The following TNFRSF19 variants were observed in gnomAD, a reference collection of about 807,000 sequenced individuals.
The protein encoded by TNFRSF19 is tumor necrosis factor receptor superfamily member 19.
TNFRSF19 carries 27 observed loss-of-function variants against 46.4 expected under a neutral mutation model. That is an observed-to-expected ratio of 0.58 (90% CI 0.43 to 0.80). The LOEUF is 0.80. TNFRSF19 is among the 30% of genes least tolerant of loss of function. TNFRSF19 has a pLI of 0.00. For synonymous variants in TNFRSF19, 204 were observed against 205.0 expected (o/e 1.00, Z 0.04); for missense variants, 511 against 530.8 (o/e 0.96, Z 0.37).
chr13:23,608,294 A>G (rs949434456), intron 3 of TNFRSF19, among the ~76,000 whole-genome samples: 11 of 152,264 alleles, frequency 7.2e-5, no homozygotes, highest in Admixed American at 2.0e-4. Flanking sequence ...GTTAACATAA[A>G]TATGAGCTAT....
At chr13:23,658,191 A>G (rs1304757550) in intron 5 of TNFRSF19, among the ~76,000 whole-genome samples, 1 of 152,182 alleles carries the variant, frequency 6.6e-6, no homozygotes, top group Non-Finnish European at 1.5e-5. Context: ...TAGTTTTAAA[A>G]TGGTAATTAC....
chr13:23,660,647 T>C (rs979551159), intron 7 of TNFRSF19, among the ~76,000 whole-genome samples, 157 bp downstream of exon 7: 4 of 152,164 alleles, frequency 2.6e-5, no homozygotes, highest in Non-Finnish European at 4.4e-5. Flanking sequence ...CCATCTCCTG[T>C]TGGTTTGGGT....
At chr13:23,661,506 T>C (rs1271726385) in intron 7 of TNFRSF19, among the ~76,000 whole-genome samples, 1 of 152,232 alleles carries the variant, frequency 6.6e-6, no homozygotes, top group Non-Finnish European at 1.5e-5. Context: ...TGAACATTCA[T>C]GTGCATGTGT....
intron 3 of TNFRSF19, among the ~76,000 whole-genome samples, chr13:23,610,095 A>G (rs777223292): frequency 1.3e-5 from 2 of 152,234 alleles, no homozygotes; most frequent in East Asian, 1.9e-4. Flanking sequence ...TTCTCCATCC[A>G]CATTTAAAAT....
chr13:23,578,212 G>C (rs1277023573), intron 1 of TNFRSF19, among the ~76,000 whole-genome samples: 1 of 152,156 alleles, frequency 6.6e-6, no homozygotes, highest in East Asian at 1.9e-4. Context: ...AGTCTGATCG[G>C]GTAGCCGCTG....
chr13:23,629,851 G>A (rs1417540201), intron 5 of TNFRSF19, among the ~76,000 whole-genome samples: 1 of 152,182 alleles, frequency 6.6e-6, no homozygotes, highest in Non-Finnish European at 1.5e-5. Flanking sequence ...TGACCCAGAT[G>A]TGTTCTTTGG....
intron 5 of TNFRSF19, among the ~76,000 whole-genome samples, chr13:23,631,238 A>T (rs1882344751): frequency 6.6e-6 from 1 of 152,048 alleles, no homozygotes; most frequent in African/African-American, 2.4e-5. Context: ...GTGGAAGGGA[A>T]CCCCAGTAGT....
At chr13:23,612,729 A>G (rs1049480921) in intron 3 of TNFRSF19, among the ~76,000 whole-genome samples, 2 of 152,240 alleles carry the variant, frequency 1.3e-5, no homozygotes, top group African/African-American at 4.8e-5. Flanking sequence ...AGTCTTTATG[A>G]AAGTTCCCAT....
At chr13:23,590,964 T>G (rs886202807) in intron 2 of TNFRSF19, among the ~76,000 whole-genome samples, 1 of 152,250 alleles carries the variant, frequency 6.6e-6, no homozygotes, top group Non-Finnish European at 1.5e-5. Flanking sequence ...GTTATTATTT[T>G]ATATAGTTGT....
chr13:23,595,601 G>A (rs1879663171), intron 3 of TNFRSF19, among the ~76,000 whole-genome samples: 1 of 152,172 alleles, frequency 6.6e-6, no homozygotes, highest in Admixed American at 6.5e-5. Flanking sequence ...CAAGAAATAT[G>A]AGACTATGTG....
At chr13:23,645,592 C>T (rs1306909512) in intron 5 of TNFRSF19, among the ~76,000 whole-genome samples, 3 of 152,058 alleles carry the variant, frequency 2.0e-5, no homozygotes, top group African/African-American at 7.2e-5. Context: ...TTTTTTATAC[C>T]TGCTTGTTTT....
At chr13:23,589,655 A>G (rs1197285060) in intron 1 of TNFRSF19, among the ~76,000 whole-genome samples, 1 of 152,222 alleles carries the variant, frequency 6.6e-6, no homozygotes, top group South Asian at 2.1e-4. Context: ...CCCCATCGCT[A>G]AAATGGGAAT....
chr13:23,624,401 G>GTAT (rs1197954585), intron 4 of TNFRSF19, among the ~76,000 whole-genome samples: 1 of 151,598 alleles, frequency 6.6e-6, no homozygotes, highest in African/African-American at 2.4e-5. Flanking sequence ...GGAAGTCACT[G>GTAT]TATTATATAT....
chr13:23,576,964 G>C lies in TNFRSF19; in HGVS notation c.-35+6116G>C, dbSNP rs568874247. On this transcript the variant is annotated intron_variant, in intron 1 of 9. Transcript: ENST00000248484. ...CGTCAATGATCATTTATTGATTGATGCTAGGCATTGTAAGAGGATATATTG... is the reference window on the plus strand; with the variant it reads ...CGTCAATGATCATTTATTGATTGATCCTAGGCATTGTAAGAGGATATATTG... Among the ~76,000 whole-genome samples, 3 of 152,316 alleles carry C rather than the reference G, an allele frequency of 2.0e-5. No individual in the cohort carries two copies. The East Asian group carries it at 5.8e-4, about 29-fold the overall frequency.
At chr13:23,597,836 C>A (rs191506911) in intron 3 of TNFRSF19, among the ~76,000 whole-genome samples, 62 of 152,220 alleles carry the variant, frequency 4.1e-4, no homozygotes, top group Non-Finnish European at 7.4e-4. Context: ...AACATCAATG[C>A]GAAAATCCTC....
chr13:23,632,681 C>T (rs925136545), intron 5 of TNFRSF19, among the ~76,000 whole-genome samples: 1 of 152,194 alleles, frequency 6.6e-6, no homozygotes, highest in Admixed American at 6.5e-5. Flanking sequence ...CAAATAAACA[C>T]AGCTGAAAAC....
intron 5 of TNFRSF19, among the ~76,000 whole-genome samples, chr13:23,654,755 C>G (rs1883873208): frequency 6.6e-6 from 1 of 152,238 alleles, no homozygotes; most frequent in Admixed American, 6.5e-5. Flanking sequence ...CAAGCTGCCT[C>G]TGCTTTGCTG....
intron 5 of TNFRSF19, among the ~76,000 whole-genome samples, chr13:23,639,187 G>A (rs1882881948): frequency 6.6e-6 from 1 of 152,160 alleles, no homozygotes; most frequent in Admixed American, 6.5e-5. Context: ...GAGGTCAGGA[G>A]TTCGAGACCA....
intron 5 of TNFRSF19, among the ~76,000 whole-genome samples, chr13:23,645,700 C>T (rs1883290428): frequency 1.3e-5 from 2 of 152,154 alleles, no homozygotes. Flanking sequence ...ACTGTACACA[C>T]CTAGGTGATC....
Sources: gnomAD v4.1 joint callset for allele counts (sites outside exome capture counted in the v4.1 genomes callset) on GRCh38, gnomAD v4.1.1 for gene constraint, MANE v1.5 for transcripts, NCBI Gene and HGNC (gene_info 2026-07-23, HGNC 2026-07-21) for gene names.